CUX1: variants seen among roughly 807,000 people sequenced by gnomAD.
The protein encoded by CUX1 is cut like homeobox 1, also known as protein CASP.
Under a neutral mutation model 158.8 loss-of-function variants are expected in CUX1, and 31 were observed. The ratio of observed to expected loss-of-function variants is 0.20; its 90% CI spans 0.15 to 0.26. The LOEUF is 0.26. CUX1 is among the 10% of genes least tolerant of loss of function. The probability of loss-of-function intolerance (pLI) is 1.00; values close to 1 mark genes in which losing one functional copy is unlikely to be tolerated. For missense variants in CUX1, 1,589 were observed against 2,014.6 expected (o/e 0.79, Z 4.04); for synonymous variants, 879 against 862.1 (o/e 1.02, Z -0.34).
rs1204897060 is a variant in CUX1 at position 101,817,629 on chromosome 7, C to T, written c.-11C>T. 1 of 1,550,396 alleles carries T rather than the reference C, an allele frequency of 6.4e-7. No homozygotes were observed. Among genetic ancestry groups the T allele is most frequent in the South Asian group, 1.2e-5 (1 of 84,110 alleles). ...GCGGCGCCGGGACAGCCCCGGGACT[C>T]TGCCAGGTGGATGTTGTGCGTAGCC... On this transcript the variant is annotated 5_prime_UTR_variant, in exon 1 of 24. Transcript: ENST00000292535. The surrounding 1 kb of genome is among the most constrained non-coding windows in gnomAD (Gnocchi z 4.1).
intron 6 of CUX1, among the ~76,000 whole-genome samples, chr7:102,105,176 T>TACACACACACACAC (rs3076512): frequency 3.7e-4 from 54 of 144,534 alleles, no homozygotes; most frequent in Non-Finnish European, 5.9e-4. Context: ...TATTTAATAT[T>TACACACACACACAC]ACACACACAC....
Position 102,256,705 on chromosome 7 carries a change from G to A in CUX1, c.*7663G>A. ...AGGAATCTTAGCAAAGCCAAGTTCA[G>A]TTCCCCAAAGCCTCCTAGAGCCTCT... On this transcript the variant is annotated 3_prime_UTR_variant, in exon 24 of 24. Coordinates refer to ENST00000292535, the MANE Select transcript of CUX1 (RefSeq NM_181552.4). 4.1e-6 allele frequency: 4 copies of A among 985,464 alleles called. No individual in the cohort carries two copies. Among genetic ancestry groups the A allele is most frequent in the East Asian group, 1.1e-4 (1 of 8,816 alleles). 61.0% of individuals were successfully genotyped at this position (985,464 alleles called of 1,614,324 possible). A position where few individuals can be genotyped will look rare whatever the true frequency, so the allele number is the denominator to read the frequency against.
At chr7:101,952,799 C>T (rs1033263127) in intron 2 of CUX1, among the ~76,000 whole-genome samples, 24 of 152,216 alleles carry the variant, frequency 1.6e-4, no homozygotes, top group African/African-American at 5.3e-4. Flanking sequence ...GGTCCCCACC[C>T]CTTGCCTCTG....
chr7:101,936,848 G>A (rs549270946), intron 2 of CUX1, among the ~76,000 whole-genome samples: 8 of 152,296 alleles, frequency 5.3e-5, no homozygotes, highest in East Asian at 1.9e-4. Context: ...AAGCAGCTTC[G>A]TTTCCAGGCA....
Position 102,249,971 on chromosome 7 carries a change from A to G in CUX1, c.*929A>G, listed in dbSNP as rs890980432. The G allele has an allele frequency of 3.1e-5, 31 of 985,458 alleles. No homozygotes were observed. The highest frequency in any genetic ancestry group is 1.9e-4 in the South Asian group (4 of 21,270). 61.0% of individuals were successfully genotyped at this position (985,458 alleles called of 1,614,324 possible). A position where few individuals can be genotyped will look rare whatever the true frequency, so the allele number is the denominator to read the frequency against. ...CCTGACATGTAGTGCACATTGATGT[A>G]TAGCTTTAACTGACCCTGGGTTTTG... On this transcript the variant is annotated 3_prime_UTR_variant, in exon 24 of 24. Transcript: ENST00000292535.
At chr7:102,017,392 C>T (rs1353779450) in intron 2 of CUX1, among the ~76,000 whole-genome samples, 1 of 151,938 alleles carries the variant, frequency 6.6e-6, no homozygotes, top group Non-Finnish European at 1.5e-5. Flanking sequence ...AACCTAGCAC[C>T]ATCCTTTGGC....
chr7:102,069,321 A>G (rs897969901), intron 3 of CUX1, among the ~76,000 whole-genome samples: 4 of 151,972 alleles, frequency 2.6e-5, no homozygotes, highest in African/African-American at 7.3e-5. Flanking sequence ...GCTCCTGCAT[A>G]TGTATCCGCG....
In CUX1 at chr7:102,189,795, ATTC is replaced by A. The variant is rs1563376993; in HGVS notation, c.1018-13_1018-11del. ...GTTGTCAGGCATGGCCACTGATCAA[ATTC>A]TTCTCTGTTTTCAGCAACTGGAAGA... On this transcript the variant is annotated splice_polypyrimidine_tract_variant and intron_variant, in intron 11 of 23. Transcript: ENST00000292535. 3 of 1,614,128 alleles carry A rather than the reference ATTC, an allele frequency of 1.9e-6. No individual in the cohort carries two copies. The highest frequency in any genetic ancestry group is 2.5e-6 in the Non-Finnish European group (3 of 1,179,958).
In CUX1 at chr7:102,020,389, G is replaced by GAGGTCTACA. The variant is rs562615214; in HGVS notation, c.142-7708_142-7700dup. Among the ~76,000 whole-genome samples the GAGGTCTACA allele has an allele frequency of 5.1e-4, 78 of 152,306 alleles. 1 individual carries two copies. The highest frequency in any genetic ancestry group is 1.8e-3 in the African/African-American group (75 of 41,568). ...TTTTCACTGAACTGGATTTTAAGTTGAGGTCTACAGTCCACATATCATATA... is the reference window on the plus strand; with the variant it reads ...TTTTCACTGAACTGGATTTTAAGTTGAGGTCTACAAGGTCTACAGTCCACATATCATATA... On this transcript the variant is annotated intron_variant, in intron 2 of 23. Transcript: ENST00000292535.
At chr7:102,126,614 C>T (rs1832668827) in intron 8 of CUX1, among the ~76,000 whole-genome samples, 1 of 152,082 alleles carries the variant, frequency 6.6e-6, no homozygotes. Context: ...CTTAGCCTCG[C>T]CTATTTTAAG....
At chr7:102,099,473 T>TG (rs202046405) in intron 5 of CUX1, among the ~76,000 whole-genome samples, 2 of 107,046 alleles carry the variant, frequency 1.9e-5, no homozygotes, top group Admixed American at 8.5e-5. Flanking sequence ...GGGAGTATCC[T>TG]GGTTTTTTTT....
intron 20 of CUX1, among the ~76,000 whole-genome samples, chr7:102,214,227 C>G (rs1796824969): frequency 6.6e-6 from 1 of 152,058 alleles, no homozygotes; most frequent in Non-Finnish European, 1.5e-5. Flanking sequence ...TTGCCCCAAT[C>G]AAGAAGAAGG....
chr7:102,066,890 G>A (rs537195474), intron 3 of CUX1, among the ~76,000 whole-genome samples: 1 of 152,196 alleles, frequency 6.6e-6, no homozygotes, highest in Non-Finnish European at 1.5e-5. Context: ...TACATGATAC[G>A]ACAGGGAAAG....
rs1442243856 is a variant in CUX1, at chr7:101,869,404, G to T, written c.31-46711G>T. On this transcript the variant is annotated intron_variant, in intron 1 of 23. Coordinates refer to ENST00000292535, the MANE Select transcript of CUX1 (RefSeq NM_181552.4). This position sits in a 1 kb window ranked among gnomAD's most constrained non-coding sequence, Gnocchi z 4.5. ...TAATAAACACGTGGACTGAACACAA[G>T]AGGTTGAGGGGAAAGGTCGGAATTG... Among the ~76,000 whole-genome samples the T allele has an allele frequency of 6.6e-6, 1 of 152,204 alleles. No homozygotes were observed. Among genetic ancestry groups the T allele is most frequent in the African/African-American group, 2.4e-5 (1 of 41,450 alleles).
At chr7:101,875,708 C>A (rs564324530) in intron 1 of CUX1, among the ~76,000 whole-genome samples, 1 of 152,190 alleles carries the variant, frequency 6.6e-6, no homozygotes, top group Admixed American at 6.5e-5. Context: ...CGGGTAGGTG[C>A]GCCGCTCTCT....
At chr7:102,082,962 TA>T (rs1827594627) in intron 4 of CUX1, among the ~76,000 whole-genome samples, 1 of 147,586 alleles carries the variant, frequency 6.8e-6, no homozygotes, top group Non-Finnish European at 1.5e-5. Context: ...GGCAAATACT[TA>T]GGATGAGGGT....
At position 102,249,417 on chromosome 7, in the gene CUX1, A is replaced by C. The variant is rs1194766674; in HGVS notation, c.*375A>C. 1 of 987,692 alleles carries C rather than the reference A, an allele frequency of 1.0e-6. No individual in the cohort carries two copies. Among genetic ancestry groups the C allele is most frequent in the African/African-American group, 1.7e-5 (1 of 57,330 alleles). 61.2% of individuals were successfully genotyped at this position (987,692 alleles called of 1,614,324 possible). A position where few individuals can be genotyped will look rare whatever the true frequency, so the allele number is the denominator to read the frequency against. On this transcript the variant is annotated 3_prime_UTR_variant, in exon 24 of 24. Transcript: ENST00000292535. ...TAGAAAACAAAGGAGCATTAAGCCC[A>C]ATCTATGTCGTGTTTTCAAGGAAGA...
intron 3 of CUX1, among the ~76,000 whole-genome samples, chr7:102,030,689 G>GTGTTTTTTTTTTGTTTGTTTTTTGTTTTT (rs772068053): frequency 4.8e-5 from 4 of 82,540 alleles, no homozygotes; most frequent in African/African-American, 2.1e-4. Flanking sequence ...ATTTTAAAAA[G>GTGTTTTTTTTTTGTTTGTTTTTTGTTTTT]TGTTTTTTTT....
At chr7:102,001,172 C>G (rs1240316057) in intron 2 of CUX1, among the ~76,000 whole-genome samples, 1 of 152,104 alleles carries the variant, frequency 6.6e-6, no homozygotes, top group Non-Finnish European at 1.5e-5. Context: ...TAAAAATAAC[C>G]AAGCCCACCT....
Sources: gnomAD v4.1 joint callset for allele counts (sites outside exome capture counted in the v4.1 genomes callset) on GRCh38, gnomAD v4.1.1 for gene constraint, Gnocchi (gnomAD v3.1) non-coding constraint, MANE v1.5 for transcripts, NCBI Gene and HGNC (gene_info 2026-07-23, HGNC 2026-07-21) for gene names.